The following ALOX5AP variants were observed in gnomAD, a reference collection of about 807,000 sequenced individuals.
ALOX5AP encodes the protein arachidonate 5-lipoxygenase-activating protein.
A neutral mutation model predicts 18.5 loss-of-function variants in ALOX5AP; 9 were observed. The ratio of observed to expected loss-of-function variants is 0.49; its 90% CI spans 0.29 to 0.85. ALOX5AP has a LOEUF of 0.85. ALOX5AP is among the 40% of genes least tolerant of loss of function. ALOX5AP has a pLI of 0.08. For missense variants in ALOX5AP, 172 were observed against 202.5 expected, an observed-to-expected ratio of 0.85 and a Z score of 0.91; for synonymous variants, 81 against 78.6, an observed-to-expected ratio of 1.03 and a Z score of -0.16.
intron 1 of ALOX5AP, among the ~76,000 whole-genome samples, chr13:30,724,672 T>C (rs899669969): frequency 2.0e-5 from 3 of 152,224 alleles, no homozygotes; most frequent in Non-Finnish European, 4.4e-5. Flanking sequence ...TTCTAGCTAC[T>C]ATCAATAATA....
At chr13:30,728,404 C>T (rs577456223) in intron 1 of ALOX5AP, among the ~76,000 whole-genome samples, 73 of 152,318 alleles carry the variant, frequency 4.8e-4, no homozygotes, top group African/African-American at 1.7e-3. Context: ...GTTTAATCAA[C>T]CTCCATAATT....
In ALOX5AP at chr13:30,738,833, C is replaced by A. The variant is rs551248609; in HGVS notation, c.70+3158C>A. ...GGCCTCTTTCCCCCAAGAGAGGCAG[C>A]CTCCTCCAAGTTTTGGCGACATTAT... On this transcript the variant is annotated intron_variant, in intron 1 of 4. Coordinates refer to ENST00000380490, the MANE Select transcript of ALOX5AP (RefSeq NM_001629.4). 9.9e-5 allele frequency among the ~76,000 whole-genome samples: 15 copies of A among 152,222 alleles called. No homozygotes were observed. In the South Asian group the frequency reaches 2.9e-3, roughly 30 times the overall value.
intron 1 of ALOX5AP, among the ~76,000 whole-genome samples, chr13:30,723,791 G>A (rs1951614851): frequency 6.6e-6 from 1 of 151,960 alleles, no homozygotes; most frequent in Non-Finnish European, 1.5e-5. Context: ...TTAGAGACAG[G>A]GTCTTGCTAT....
rs566220043 is a variant in ALOX5AP at position 30,762,953 on chromosome 13, A to C, written c.324-991A>C. 3.9e-5 allele frequency among the ~76,000 whole-genome samples: 6 copies of C among 152,344 alleles called. No homozygotes were observed. The East Asian group carries it at 1.2e-3, about 29-fold the overall frequency. ...GGCCTCTGCATGCCATTAGGAGGTC[A>C]CATCTCACTGGGGGATGCAGTTTAG... On this transcript the variant is annotated intron_variant, in intron 4 of 4. Coordinates refer to ENST00000380490, the MANE Select transcript of ALOX5AP (RefSeq NM_001629.4).
At chr13:30,730,987 C>T (rs1045270700), upstream of ALOX5AP, among the ~76,000 whole-genome samples, 5 of 143,538 alleles carry the variant, frequency 3.5e-5, no homozygotes, top group African/African-American at 1.0e-4. Context: ...ATCAGTGCAG[C>T]ATATGCATAA....
intron 1 of ALOX5AP, among the ~76,000 whole-genome samples, chr13:30,737,915 C>T (rs1439849820): frequency 2.0e-5 from 3 of 152,138 alleles, no homozygotes; most frequent in Non-Finnish European, 4.4e-5. Context: ...TTTAGGCAAT[C>T]ACAAAGATCC....
intron 4 of ALOX5AP, among the ~76,000 whole-genome samples, chr13:30,759,266 A>G (rs17245645): frequency 0.078 from 11,902 of 152,082 alleles, 713 homozygotes; most frequent in African/African-American, 0.16. Context: ...TTCCTATCCC[A>G]TGGAGTCCTG....
intron 1 of ALOX5AP, among the ~76,000 whole-genome samples, chr13:30,720,046 G>T (rs1042175849): frequency 1.3e-5 from 2 of 152,164 alleles, no homozygotes; most frequent in South Asian, 4.1e-4. Context: ...ATTTTTAGTA[G>T]AGACGGGGTT....
intron 1 of ALOX5AP, among the ~76,000 whole-genome samples, chr13:30,721,196 C>T (rs1225982903): frequency 6.6e-6 from 1 of 152,184 alleles, no homozygotes; most frequent in Non-Finnish European, 1.5e-5. Flanking sequence ...ATTTTTAATA[C>T]ACATACATCT....
intron 1 of ALOX5AP, among the ~76,000 whole-genome samples, chr13:30,729,576 A>ACT (rs1555254726): frequency 1.3e-3 from 182 of 137,628 alleles, no homozygotes; most frequent in Non-Finnish European, 2.2e-3. Context: ...TCTAACCTGT[A>ACT]TTTTTTTTTT....
intron 4 of ALOX5AP, among the ~76,000 whole-genome samples, chr13:30,757,063 C>T (rs1951902335): frequency 1.3e-5 from 2 of 152,168 alleles, no homozygotes; most frequent in African/African-American, 4.8e-5. Context: ...AGTATGGTTT[C>T]AGGTGCCAGG....
At chr13:30,740,562 T>G (rs566735228) in intron 1 of ALOX5AP, among the ~76,000 whole-genome samples, 1 of 152,288 alleles carries the variant, frequency 6.6e-6, no homozygotes, top group Admixed American at 6.5e-5. Context: ...TGTAGCATAC[T>G]GGAGGATTAC....
chr13:30,748,174 C>T (rs1391939240), intron 2 of ALOX5AP, among the ~76,000 whole-genome samples: 1 of 152,168 alleles, frequency 6.6e-6, no homozygotes, highest in East Asian at 1.9e-4. Context: ...CCGCCTCGGC[C>T]TCCCAGAGTG....
At chr13:30,762,315 G>A (rs1405643820) in intron 4 of ALOX5AP, among the ~76,000 whole-genome samples, 5 of 152,162 alleles carry the variant, frequency 3.3e-5, no homozygotes, top group Non-Finnish European at 5.9e-5. Flanking sequence ...TTGGCTGGGC[G>A]TGGTGGCTCA....
chr13:30,754,288 A>G (rs933824010), intron 3 of ALOX5AP, among the ~76,000 whole-genome samples: 1 of 152,130 alleles, frequency 6.6e-6, no homozygotes, highest in Non-Finnish European at 1.5e-5. Context: ...TATCTGCCGG[A>G]TAACAATAGT....
At chr13:30,748,692 C>T (rs1951828365) in intron 2 of ALOX5AP, among the ~76,000 whole-genome samples, 1 of 152,242 alleles carries the variant, frequency 6.6e-6, no homozygotes. Context: ...ATAGCCACCA[C>T]TTATTGAATG....
rs375205052 is a variant in ALOX5AP, at chr13:30,725,471, G to A, written c.117-10080G>A. Among the ~76,000 whole-genome samples, 14 of 152,378 alleles carry A rather than the reference G, an allele frequency of 9.2e-5. No individual in the cohort carries two copies. The East Asian group carries it at 1.7e-3, about 19-fold the overall frequency. On this transcript the variant is annotated intron_variant, in intron 1 of 5. Transcript: ENST00000617770. ...GGGGGCAGGGCTATGTATGGACACAGCAACATGAATTTCCACTCATCAAGG... is the reference window on the plus strand; with the variant it reads ...GGGGGCAGGGCTATGTATGGACACAACAACATGAATTTCCACTCATCAAGG...
chr13:30,715,817 G>GC (rs5802581), intron 1 of ALOX5AP, among the ~76,000 whole-genome samples: 58,443 of 152,012 alleles, frequency 0.38, 12,890 homozygotes, highest in African/African-American at 0.6. Flanking sequence ...CAGGCAAGTG[G>GC]CCTTTGACCT....
intron 1 of ALOX5AP, among the ~76,000 whole-genome samples, chr13:30,720,007 A>ACC (rs1381540725): frequency 1.3e-5 from 2 of 152,096 alleles, no homozygotes; most frequent in African/African-American, 4.8e-5. Flanking sequence ...GACTACAGGC[A>ACC]CATGCCACCA....
Sources: allele counts gnomAD v4.1 joint callset (sites outside exome capture counted in the v4.1 genomes callset), GRCh38; gene constraint gnomAD v4.1.1; transcripts MANE v1.5; gene names NCBI Gene and HGNC (gene_info 2026-07-23, HGNC 2026-07-21).